CDCA8: variants seen among roughly 807,000 people sequenced by gnomAD.
The protein encoded by CDCA8 is borealin.
In CDCA8, 25 loss-of-function variants were observed where a neutral mutation model predicts 40.0. The ratio of observed to expected loss-of-function variants is 0.63; its 90% CI spans 0.46 to 0.87. The LOEUF is 0.87. CDCA8 is among the 40% of genes least tolerant of loss of function. The pLI, the probability that CDCA8 is intolerant of heterozygous loss-of-function variation, is 0.00. For missense variants in CDCA8, 280 were observed against 348.4 expected, an observed-to-expected ratio of 0.80 and a Z score of 1.56; for synonymous variants, 111 against 126.5, an observed-to-expected ratio of 0.88 and a Z score of 0.82.
chr1:37,699,252 G>T (rs1462390222), intron 4 of CDCA8, among the ~76,000 whole-genome samples: 1 of 152,110 alleles, frequency 6.6e-6, no homozygotes, highest in Non-Finnish European at 1.5e-5. Context: ...GTGAAAAAAG[G>T]GGGGAAAAAA....
chr1:37,696,426 C>G lies in CDCA8; in HGVS notation c.264+476C>G, dbSNP rs187413355. Among the ~76,000 whole-genome samples the G allele has an allele frequency of 7.4e-4, 112 of 152,260 alleles. 4 individuals carry two copies. The East Asian group carries it at 0.02, about 27-fold the overall frequency. On this transcript the variant is annotated intron_variant, in intron 3 of 9. Coordinates refer to ENST00000373055, the MANE Select transcript of CDCA8 (RefSeq NM_001256875.2). The surrounding 1 kb of genome is among the most constrained non-coding windows in gnomAD (Gnocchi z 5.0). Reference sequence around the variant, plus strand: ...AATAGAGCATTTAAAGCTGCACTGTCCAGTGTAGTAGCCACTGGGCATATG... The same window carrying G: ...AATAGAGCATTTAAAGCTGCACTGTGCAGTGTAGTAGCCACTGGGCATATG...
At position 37,703,300 on chromosome 1, in the gene CDCA8, G is replaced by A; in HGVS notation, c.537G>A (p.Val179=). 1.9e-6 allele frequency: 3 copies of A among 1,614,064 alleles called. No individual in the cohort carries two copies. Among genetic ancestry groups the A allele is most frequent in the South Asian group, 1.1e-5 (1 of 91,084 alleles). ...TVTPAVGRLE[V]SMVKPTPGLT... Reference sequence around the variant, plus strand: ...CCCCAGCCGTGGGCCGATTGGAGGTGTCCATGGTCAAACCAACTCCAGGCC... The same window carrying A: ...CCCCAGCCGTGGGCCGATTGGAGGTATCCATGGTCAAACCAACTCCAGGCC... The change falls in exon 7 of 10, where the codon GTG becomes GTA. Residue 179 remains valine, a synonymous_variant. Coordinates refer to ENST00000373055, the MANE Select transcript of CDCA8 (RefSeq NM_001256875.2).
intron 8 of CDCA8, among the ~76,000 whole-genome samples, chr1:37,706,289 G>T (rs1645601412): frequency 6.6e-6 from 1 of 151,776 alleles, no homozygotes; most frequent in Non-Finnish European, 1.5e-5. Context: ...TGTATTTTTA[G>T]TAGAGATGGT....
At chr1:37,708,234 T>C (rs2148291982) in intron 9 of CDCA8, 88 bp from the exon 10 acceptor site, 1 of 1,118,482 alleles carries the variant, frequency 8.9e-7, no homozygotes, top group Non-Finnish European at 1.4e-6. Context: ...AGATAGAGAA[T>C]GGAGGGGCTC....
rs1211014693 is a variant in CDCA8, at chr1:37,693,983, CA to C, written c.223+956del. On this transcript the variant is annotated intron_variant, in intron 2 of 9. Coordinates refer to ENST00000373055, the MANE Select transcript of CDCA8 (RefSeq NM_001256875.2). ...AGAAACCCTGTCTCTACTAAAAATACAAAAAAGTTAGCCGGGCGTGGTGGCG... is the reference window on the plus strand; with the variant it reads ...AGAAACCCTGTCTCTACTAAAAATACAAAAAGTTAGCCGGGCGTGGTGGCG... Among the ~76,000 whole-genome samples, 4 of 151,994 alleles carry C rather than the reference CA, an allele frequency of 2.6e-5. No individual in the cohort carries two copies. In the South Asian group the frequency reaches 6.2e-4, roughly 24 times the overall value.
rs770114051 is a variant in CDCA8, at chr1:37,698,909, A to C, written c.269A>C (p.Asp90Ala). The part of the protein sequence containing the change: ...KQALEEAATA[D>A]LDITEINKLT... ...TTCTGGCTATGTTTGTCATAGGCTG[A>C]CCTGGATATCACCGAAATAAACAAA... is the stretch of plus-strand genomic sequence containing the variant. The change falls in exon 4 of 10, where the codon GAC (aspartate) becomes GCC (alanine). Residue 90 changes from aspartate (D) to alanine (A), a missense_variant. Coordinates refer to ENST00000373055, the MANE Select transcript of CDCA8 (RefSeq NM_001256875.2). The C allele has an allele frequency of 6.2e-7, 1 of 1,612,648 alleles. No homozygotes were observed. The highest frequency in any genetic ancestry group is 1.7e-5 in the Admixed American group (1 of 60,012).
intron 3 of CDCA8, 79 bp from the exon 4 acceptor site, chr1:37,698,824 TAA>T: frequency 1.1e-6 from 1 of 944,946 alleles, no homozygotes; most frequent in Non-Finnish European, 1.7e-6. Context: ...ATAATAGTTT[TAA>T]AAAAGTTTTT....
chr1:37,707,195 G>T, intron 9 of CDCA8, 131 bp downstream of exon 9: 1 of 670,236 alleles, frequency 1.5e-6, no homozygotes, highest in East Asian at 2.6e-5. Flanking sequence ...CTTCCCCCAA[G>T]AGATTTTGAC....
chr1:37,699,058 G>A (rs1343247965), intron 4 of CDCA8, 81 bp downstream of exon 4: 11 of 878,740 alleles, frequency 1.3e-5, no homozygotes, highest in Non-Finnish European at 1.9e-5. Context: ...GCAGCGCCTT[G>A]TTGGTAGAGC....
In CDCA8 at chr1:37,692,553, G is replaced by T; in HGVS notation, c.-138G>T. On this transcript the variant is annotated 5_prime_UTR_variant, in exon 1 of 10. Coordinates refer to ENST00000373055, the MANE Select transcript of CDCA8 (RefSeq NM_001256875.2). Reference sequence around the variant, plus strand: ...TCTCTCACTGGCACAGCGAGGTTTTGCTCAGCCCTTGTCTCGGGACCGCAG... The same window carrying T: ...TCTCTCACTGGCACAGCGAGGTTTTTCTCAGCCCTTGTCTCGGGACCGCAG... 4.3e-6 allele frequency: 3 copies of T among 691,174 alleles called. No homozygotes were observed. Among genetic ancestry groups the T allele is most frequent in the East Asian group, 2.7e-5 (1 of 36,702 alleles). The allele number at this position is 691,174 out of a possible 1,614,324, so 42.8% of individuals were successfully genotyped here.
Position 37,705,460 on chromosome 1 carries a change from C to G in CDCA8, c.604C>G (p.Leu202Val). 6.2e-7 allele frequency: 1 copy of G among 1,614,082 alleles called. No individual in the cohort carries two copies. The highest frequency in any genetic ancestry group is 8.5e-7 in the Non-Finnish European group (1 of 1,179,986). Reference sequence around the variant, plus strand: ...TTCTAGGGTCTTCAAGACCCCTGGCCTGCGTACTCCAGCAGCAGGAGAGCG... The same window carrying G: ...TTCTAGGGTCTTCAAGACCCCTGGCGTGCGTACTCCAGCAGCAGGAGAGCG... ...FDSRVFKTPG[L>V]RTPAAGERIY... The change falls in exon 8 of 10, where the codon CTG becomes GTG. Residue 202 changes from leucine to valine, a missense_variant. Leu to Val is a conservative substitution (Grantham distance 32, BLOSUM62 1). Coordinates refer to ENST00000373055, the MANE Select transcript of CDCA8 (RefSeq NM_001256875.2).
chr1:37,699,585 AGAAAGGAAAG>A (rs56083905), intron 4 of CDCA8, among the ~76,000 whole-genome samples: 42,937 of 143,358 alleles, frequency 0.3, 6,451 homozygotes, highest in Non-Finnish European at 0.31. Flanking sequence ...AAAGAAAGAA[AGAAAGGAAAG>A]GAAAGGAAAG....
intron 9 of CDCA8, among the ~76,000 whole-genome samples, chr1:37,707,602 C>G (rs559080485): frequency 2.2e-4 from 34 of 152,302 alleles, no homozygotes; most frequent in African/African-American, 8.2e-4. Context: ...AGTAACCACA[C>G]CTCCAATCCC....
At chr1:37,695,730 A>C (rs1276679639) in intron 2 of CDCA8, among the ~76,000 whole-genome samples, 180 bp from the exon 3 acceptor site, 1 of 152,238 alleles carries the variant, frequency 6.6e-6, no homozygotes, top group Non-Finnish European at 1.5e-5. Flanking sequence ...GTACCATGGC[A>C]ACAAGTCATG....
At chr1:37,697,304 T>C (rs1043903064) in intron 3 of CDCA8, among the ~76,000 whole-genome samples, 1 of 152,206 alleles carries the variant, frequency 6.6e-6, no homozygotes, top group Non-Finnish European at 1.5e-5. Context: ...AAAGCATTAA[T>C]CAACAAAGGA....
In CDCA8 at chr1:37,700,456, G is replaced by C; in HGVS notation, c.358G>C (p.Asp120His). Residue 120 changes from aspartate (D) to histidine (H), a missense_variant, in exon 5 of 10, where the codon GAT becomes CAT. By Grantham distance (81) the Asp-to-His change is moderately conservative (BLOSUM62 -1). Transcript: ENST00000373055. ...SAKTRKVIQV[D>H]EMIVEEEEEE... is the part of the protein sequence containing the mutation. ...TACAGCACGAAAGGTAATACAGGTAGATGAAATGATAGTGGAAGAGGAAGA... is the reference window on the plus strand; with the variant it reads ...TACAGCACGAAAGGTAATACAGGTACATGAAATGATAGTGGAAGAGGAAGA... 6.2e-7 allele frequency: 1 copy of C among 1,608,980 alleles called. No individual in the cohort carries two copies. Among genetic ancestry groups the C allele is most frequent in the Non-Finnish European group, 8.5e-7 (1 of 1,175,464 alleles).
At chr1:37,705,690 A>G (rs1042460021) in intron 8 of CDCA8, 123 bp downstream of exon 8, 33 of 1,120,084 alleles carry the variant, frequency 2.9e-5, no homozygotes, top group African/African-American at 1.6e-5. Flanking sequence ...TGATCTCCAC[A>G]CTTCTGCGGG....
Position 37,692,523 on chromosome 1 carries a change from C to T in CDCA8, c.-168C>T. The T allele has an allele frequency of 1.6e-6, 1 of 628,014 alleles. No homozygotes were observed. Among genetic ancestry groups the T allele is most frequent in the Non-Finnish European group, 2.9e-6 (1 of 344,518 alleles). The allele number at this position is 628,014 out of a possible 1,614,324, so 38.9% of individuals were successfully genotyped here. A position where few individuals can be genotyped will look rare whatever the true frequency, so the allele number is the denominator to read the frequency against. ...ATTGGGTGGCGGTTGACTGTAGAGC[C>T]GCTCTCTCTCACTGGCACAGCGAGG... On this transcript the variant is annotated 5_prime_UTR_variant, in exon 1 of 10. Transcript: ENST00000373055.
intron 9 of CDCA8, among the ~76,000 whole-genome samples, chr1:37,708,006 G>A (rs1432994333): frequency 1.3e-5 from 2 of 152,146 alleles, no homozygotes; most frequent in South Asian, 2.1e-4. Flanking sequence ...GGGACAAGGC[G>A]GGGCTGGTTT....
Sources: gnomAD v4.1 joint callset for allele counts (sites outside exome capture counted in the v4.1 genomes callset) on GRCh38, gnomAD v4.1.1 for gene constraint, Gnocchi (gnomAD v3.1) non-coding constraint, MANE v1.5 for transcripts, NCBI Gene and HGNC (gene_info 2026-07-23, HGNC 2026-07-21) for gene names.